Variants in STAM2 observed in about 807,000 individuals in gnomAD.
STAM2 encodes signal transducing adapter molecule 2.
Under a neutral mutation model 65.6 loss-of-function variants are expected in STAM2, and 51 were observed. The ratio of observed to expected loss-of-function variants is 0.78; its 90% CI spans 0.62 to 0.98. The LOEUF (loss-of-function observed/expected upper bound fraction) is 0.98. STAM2 is among the 50% of genes least tolerant of loss of function. The pLI is 0.00. For synonymous variants in STAM2, 198 were observed against 208.4 expected, an observed-to-expected ratio of 0.95 and a Z score of 0.43; for missense variants, 584 against 617.8, an observed-to-expected ratio of 0.95 and a Z score of 0.58.
chr2:152,147,146 T>C lies in STAM2; in HGVS notation c.447+16A>G, dbSNP rs1239740547. ...AATATTATAGGGTCAACCATGGGTC[T>C]GAATAAATCTCTCACCTGAGAACCT... On this transcript the variant is annotated intron_variant, in intron 5 of 13. Transcript: ENST00000263904. 1.3e-6 allele frequency: 2 copies of C among 1,592,766 alleles called. No individual in the cohort carries two copies. Among genetic ancestry groups the C allele is most frequent in the African/African-American group, 2.7e-5 (2 of 73,566 alleles).
chr2:152,158,927 T>C (rs372776173), intron 1 of STAM2, among the ~76,000 whole-genome samples: 17 of 151,666 alleles, frequency 1.1e-4, no homozygotes, highest in African/African-American at 3.4e-4. Context: ...TACTGTTGCA[T>C]TGGGGACTGT....
chr2:152,139,225 T>TA (rs1006487394), intron 7 of STAM2, among the ~76,000 whole-genome samples: 6 of 152,046 alleles, frequency 3.9e-5, no homozygotes, highest in Non-Finnish European at 5.9e-5. Context: ...CTTTTTATAT[T>TA]AAAAAAAGAA....
chr2:152,136,246 T>A lies in STAM2; in HGVS notation c.705-643A>T, dbSNP rs1391564391. 6.6e-5 allele frequency among the ~76,000 whole-genome samples: 10 copies of A among 151,826 alleles called. No homozygotes were observed. The East Asian group carries it at 1.7e-3, about 26-fold the overall frequency. ...TCACCTGAGGTCAGGAGTTCGAGAC[T>A]AGCCTGGCCAACATGGCAAAACCCT... On this transcript the variant is annotated intron_variant, in intron 7 of 13. Transcript: ENST00000263904.
At chr2:152,132,950 C>T (rs560458400) in intron 10 of STAM2, among the ~76,000 whole-genome samples, 1 of 152,068 alleles carries the variant, frequency 6.6e-6, no homozygotes, top group African/African-American at 2.4e-5. Context: ...GCCAATTTTA[C>T]TAGTGGGCTT....
intron 7 of STAM2, among the ~76,000 whole-genome samples, chr2:152,143,450 C>T (rs1020307767): frequency 2.1e-4 from 32 of 152,244 alleles, no homozygotes; most frequent in African/African-American, 7.2e-4. Flanking sequence ...CCAAGTATAG[C>T]TTTTGGTGCT....
chr2:152,139,970 G>C (rs956821175), intron 7 of STAM2, among the ~76,000 whole-genome samples: 2 of 152,160 alleles, frequency 1.3e-5, no homozygotes, highest in African/African-American at 4.8e-5. Context: ...GAAGATGTGT[G>C]TAAGTTATAT....
At chr2:152,139,247 T>A (rs900951308) in intron 7 of STAM2, among the ~76,000 whole-genome samples, 9 of 152,122 alleles carry the variant, frequency 5.9e-5, no homozygotes, top group African/African-American at 1.9e-4. Context: ...AAATCACAAC[T>A]GAGTGAAAAA....
intron 11 of STAM2, among the ~76,000 whole-genome samples, chr2:152,130,232 T>C (rs1448243149): frequency 1.3e-5 from 2 of 152,084 alleles, no homozygotes; most frequent in African/African-American, 4.8e-5. Context: ...CCCTTCAGTG[T>C]TGCTCCTATT....
At chr2:152,134,953 C>T (rs1689127920) in intron 8 of STAM2, among the ~76,000 whole-genome samples, 1 of 152,214 alleles carries the variant, frequency 6.6e-6, no homozygotes. Context: ...CTGTCTGTGG[C>T]TGCAGACTGA....
chr2:152,135,651 C>G (rs773852013), intron 7 of STAM2, 48 bp from the exon 8 acceptor site: 1 of 1,233,902 alleles, frequency 8.1e-7, no homozygotes, highest in Non-Finnish European at 1.2e-6. Flanking sequence ...CATTTTAATA[C>G]AATAAGCAAA....
chr2:152,139,233 GAAT>G (rs1405802196), intron 7 of STAM2, among the ~76,000 whole-genome samples: 1 of 151,984 alleles, frequency 6.6e-6, no homozygotes, highest in African/African-American at 2.4e-5. Context: ...ATTAAAAAAA[GAAT>G]AAATCACAAC....
At chr2:152,166,145 G>C (rs936950334) in intron 1 of STAM2, among the ~76,000 whole-genome samples, 5 of 151,972 alleles carry the variant, frequency 3.3e-5, no homozygotes, top group Non-Finnish European at 7.4e-5. Flanking sequence ...CTGCATTCCA[G>C]GCTGGGGGGC....
At chr2:152,127,896 G>A (rs1322418789) in intron 11 of STAM2, among the ~76,000 whole-genome samples, 1 of 152,022 alleles carries the variant, frequency 6.6e-6, no homozygotes, top group Non-Finnish European at 1.5e-5. Context: ...ACATCCACAA[G>A]CCTTTTTACT....
intron 1 of STAM2, among the ~76,000 whole-genome samples, chr2:152,169,539 G>C (rs574529479): frequency 3.2e-4 from 49 of 152,220 alleles, no homozygotes; most frequent in African/African-American, 1.2e-3. Flanking sequence ...TTGGATTGCA[G>C]GTGTGAGTCA....
chr2:152,130,441 C>T lies in STAM2; in HGVS notation c.1025+1673G>A, dbSNP rs1345211119. ...TAATTTTTTGTATTTTTAGTAGAGA[C>T]GGGGTTTCACCATGTTAGCCAGGAT... On this transcript the variant is annotated intron_variant, in intron 11 of 13. Transcript: ENST00000263904. 4.6e-5 allele frequency among the ~76,000 whole-genome samples: 7 copies of T among 151,808 alleles called. No homozygotes were observed. The South Asian group carries it at 6.2e-4, about 14-fold the overall frequency.
At position 152,117,954 on chromosome 2, in the gene STAM2, C is replaced by T. The variant is rs957858594; in HGVS notation, c.*2620G>A. 6.6e-6 allele frequency: 1 copy of T among 152,012 alleles called. No homozygotes were observed. The highest frequency in any genetic ancestry group is 2.4e-5 in the African/African-American group (1 of 41,474). The allele number at this position is 152,012 out of a possible 1,614,324, so 9.4% of individuals were successfully genotyped here. A position where few individuals can be genotyped will look rare whatever the true frequency, so the allele number is the denominator to read the frequency against. ...TTTAAGTAATTTTATAAATAAATTA[C>T]CAAATTAGAAGACAGTATTGGTTGA... On this transcript the variant is annotated 3_prime_UTR_variant, in exon 14 of 14. Transcript: ENST00000263904.
intron 4 of STAM2, 98 bp downstream of exon 4, chr2:152,147,926 C>T (rs1689364815): frequency 1.1e-6 from 1 of 904,592 alleles, no homozygotes; most frequent in Non-Finnish European, 1.7e-6. Context: ...CTAAAAATGA[C>T]TTCATTTATA....
intron 1 of STAM2, among the ~76,000 whole-genome samples, chr2:152,160,603 TG>T (rs1216489935): frequency 7.7e-6 from 1 of 130,464 alleles, no homozygotes; most frequent in African/African-American, 3.0e-5. Context: ...AGGAGGGAGG[TG>T]GGGGGTCAGC....
intron 2 of STAM2, among the ~76,000 whole-genome samples, chr2:152,148,696 A>T (rs1266203605): frequency 6.6e-6 from 1 of 152,144 alleles, no homozygotes; most frequent in Non-Finnish European, 1.5e-5. Flanking sequence ...AAACTAAACT[A>T]AAATCCTGGA....
Sources: gnomAD v4.1 joint callset for allele counts (sites outside exome capture counted in the v4.1 genomes callset) on GRCh38, gnomAD v4.1.1 for gene constraint, MANE v1.5 for transcripts, NCBI Gene and HGNC (gene_info 2026-07-23, HGNC 2026-07-21) for gene names.